The following CHL1 variants were observed in gnomAD, a reference collection of about 807,000 sequenced individuals.
CHL1 encodes the protein neural cell adhesion molecule L1-like protein.
Under a neutral mutation model 141.9 loss-of-function variants are expected in CHL1, and 96 were observed. The observed-to-expected ratio is 0.68, with a 90% CI of 0.57 to 0.80. CHL1 has a LOEUF of 0.80. Among genes scored for constraint, CHL1 ranks in the 30% least tolerant of loss-of-function variants. The probability of loss-of-function intolerance (pLI) is 0.00; values close to 1 mark genes in which losing one functional copy is unlikely to be tolerated. For synonymous variants in CHL1, 613 were observed against 502.2 expected, an observed-to-expected ratio of 1.22 and a Z score of -2.95; for missense variants, 1,820 against 1,457.2, an observed-to-expected ratio of 1.25 and a Z score of -4.05.
In CHL1 at chr3:242,585, G is replaced by A. The variant is rs541452223; in HGVS notation, c.-174-2028G>A. 1.4e-4 allele frequency among the ~76,000 whole-genome samples: 21 copies of A among 146,950 alleles called. No homozygotes were observed. In the South Asian group the frequency reaches 4.5e-3, roughly 32 times the overall value. On this transcript the variant is annotated intron_variant, in intron 1 of 27. Coordinates refer to ENST00000256509, the MANE Select transcript of CHL1 (RefSeq NM_006614.4). ...CACTCCAGCCTGGGTAACAGAGTGG[G>A]ACTCCATCTCAAAATAAATAAATAA...
In CHL1 at chr3:391,659, G is replaced by T. The variant is rs1193523903; in HGVS notation, c.2792-16G>T. The stretch of plus-strand genomic sequence containing the variant: ...TCTAATTGATGTGAGTTTATTTTTG[G>T]TCTTGTGTTTTCTAGTACCTGAACA... On this transcript the variant is annotated splice_polypyrimidine_tract_variant and intron_variant, in intron 22 of 27. Coordinates refer to ENST00000256509, the MANE Select transcript of CHL1 (RefSeq NM_006614.4). 14 of 1,575,866 alleles carry T rather than the reference G, an allele frequency of 8.9e-6. No homozygotes were observed. Among genetic ancestry groups the T allele is most frequent in the Non-Finnish European group, 1.0e-5 (12 of 1,158,768 alleles).
intron 1 of CHL1, among the ~76,000 whole-genome samples, chr3:236,386 G>A (rs1691982302): frequency 6.6e-6 from 1 of 152,076 alleles, no homozygotes; most frequent in Non-Finnish European, 1.5e-5. Context: ...ATCAGCCCCA[G>A]GTCCTTCTAG....
chr3:252,515 A>C (rs1455277876), intron 2 of CHL1, among the ~76,000 whole-genome samples: 3 of 151,202 alleles, frequency 2.0e-5, no homozygotes, highest in Non-Finnish European at 1.5e-5. Context: ...TATATTAAAT[A>C]GGTATACCAG....
intron 7 of CHL1, among the ~76,000 whole-genome samples, chr3:342,316 A>G (rs1702405305): frequency 6.6e-6 from 1 of 152,200 alleles, no homozygotes; most frequent in African/African-American, 2.4e-5. Context: ...ATTTCATCTG[A>G]CATCTGCAGG....
intron 3 of CHL1, among the ~76,000 whole-genome samples, chr3:322,645 A>AATTATAT (rs1700667256): frequency 2.3e-5 from 3 of 130,210 alleles, no homozygotes; most frequent in African/African-American, 5.9e-5. Flanking sequence ...ATATATATAA[A>AATTATAT]ATATATATAT....
intron 23 of CHL1, among the ~76,000 whole-genome samples, chr3:393,766 T>A (rs770652054): frequency 3.3e-5 from 5 of 152,170 alleles, no homozygotes; most frequent in Non-Finnish European, 5.9e-5. Flanking sequence ...CAATTATGTG[T>A]TCAAAAAATC....
At chr3:331,080 G>T (rs1191834154) in intron 5 of CHL1, among the ~76,000 whole-genome samples, 1 of 152,084 alleles carries the variant, frequency 6.6e-6, no homozygotes, top group Non-Finnish European at 1.5e-5. Context: ...ATCTCAGAGT[G>T]GATAAAAGGC....
chr3:351,365 A>G lies in CHL1; in HGVS notation c.1033+1822A>G, dbSNP rs192324815. 4.6e-5 allele frequency among the ~76,000 whole-genome samples: 7 copies of G among 152,332 alleles called. No individual in the cohort carries two copies. In the East Asian group the frequency reaches 9.6e-4, roughly 21 times the overall value. On this transcript the variant is annotated intron_variant, in intron 10 of 27. Transcript: ENST00000256509. ...AATCCTCTCTCTTTAGTAAGAAACT[A>G]TTAAATGTACCTTCAGTTGTATGTT...
Position 328,264 on chromosome 3 carries a change from C to T in CHL1, c.295C>T (p.His99Tyr). 1 of 1,612,592 alleles carries T rather than the reference C, an allele frequency of 6.2e-7. No homozygotes were observed. The highest frequency in any genetic ancestry group is 8.5e-7 in the Non-Finnish European group (1 of 1,179,046). ...SGTFRIPNEG[H>Y]ISHFQGKYRC... ...AACATTCAGGATCCCAAACGAGGGG[C>T]ACATATCTCACTTTCAAGGGAAATA... The change falls in exon 5 of 28, where the codon CAC becomes TAC. Residue 99 changes from histidine to tyrosine, a missense_variant. Physicochemically the swap from His to Tyr is moderately conservative, Grantham distance 83. Coordinates refer to ENST00000256509, the MANE Select transcript of CHL1 (RefSeq NM_006614.4).
intron 1 of CHL1, among the ~76,000 whole-genome samples, chr3:225,268 T>C (rs1701209388): frequency 6.6e-6 from 1 of 152,242 alleles, no homozygotes; most frequent in Non-Finnish European, 1.5e-5. Flanking sequence ...GAAATAATTA[T>C]GAGCAACTCA....
At chr3:268,768 T>C (rs1158237045) in intron 2 of CHL1, among the ~76,000 whole-genome samples, 1 of 152,162 alleles carries the variant, frequency 6.6e-6, no homozygotes, top group Non-Finnish European at 1.5e-5. Context: ...TAATAAAGAA[T>C]CTTCGGAATT....
intron 8 of CHL1, among the ~76,000 whole-genome samples, chr3:343,373 T>C (rs1026996359): frequency 2.0e-5 from 3 of 151,500 alleles, no homozygotes; most frequent in Non-Finnish European, 2.9e-5. Context: ...AATGGTTAAG[T>C]GTCAAAAGAC....
chr3:265,282 T>C (rs547450038), intron 2 of CHL1, among the ~76,000 whole-genome samples: 27 of 152,330 alleles, frequency 1.8e-4, no homozygotes, highest in Admixed American at 1.8e-3. Context: ...AAAATGGAAA[T>C]ACTTGCCTGA....
chr3:235,601 T>A (rs1264184007), intron 1 of CHL1, among the ~76,000 whole-genome samples: 4 of 152,192 alleles, frequency 2.6e-5, no homozygotes, highest in Non-Finnish European at 5.9e-5. Flanking sequence ...CATTTTGGAC[T>A]ATATAGGAAA....
chr3:382,036 T>C (rs1031929718), intron 16 of CHL1, 143 bp from the exon 17 acceptor site: 3 of 464,670 alleles, frequency 6.5e-6, no homozygotes, highest in Non-Finnish European at 1.1e-5. Flanking sequence ...CCCTTCCATA[T>C]GTGGGGTGGG....
At chr3:386,144 C>G (rs1046716415) in intron 19 of CHL1, among the ~76,000 whole-genome samples, 1 of 150,442 alleles carries the variant, frequency 6.6e-6, no homozygotes, top group Admixed American at 6.6e-5. Flanking sequence ...ATTACCAGAC[C>G]CCCTCCAGAG....
chr3:209,942 C>T (rs75052201), intron 1 of CHL1, among the ~76,000 whole-genome samples: 2 of 152,162 alleles, frequency 1.3e-5, no homozygotes, highest in East Asian at 3.8e-4. Context: ...TTGGTAAATA[C>T]CATCACCATT....
chr3:228,807 C>G (rs903666041), intron 1 of CHL1, among the ~76,000 whole-genome samples: 1 of 152,116 alleles, frequency 6.6e-6, no homozygotes, highest in Non-Finnish European at 1.5e-5. Context: ...ATATTTTAAA[C>G]TCAAAATAGA....
chr3:290,266 A>T (rs1020743064), intron 2 of CHL1, among the ~76,000 whole-genome samples: 3 of 152,216 alleles, frequency 2.0e-5, no homozygotes, highest in African/African-American at 7.2e-5. Context: ...CACTTTGTTC[A>T]ACCTCAGCTG....
Sources: gnomAD v4.1 joint callset for allele counts (sites outside exome capture counted in the v4.1 genomes callset) on GRCh38, gnomAD v4.1.1 for gene constraint, MANE v1.5 for transcripts, NCBI Gene and HGNC (gene_info 2026-07-23, HGNC 2026-07-21) for gene names.